CNBD1: variants seen among roughly 807,000 people sequenced by gnomAD.
CNBD1 encodes the protein cyclic nucleotide-binding domain-containing protein 1.
CNBD1 carries 71 observed loss-of-function variants against 54.4 expected under a neutral mutation model. That is an observed-to-expected ratio of 1.30 (90% CI 1.08 to 1.59). CNBD1 has a LOEUF of 1.59. CNBD1 is among the 40% of genes most tolerant of loss of function. The probability of loss-of-function intolerance (pLI) is 0.00; values close to 1 mark genes in which losing one functional copy is unlikely to be tolerated. For missense variants in CNBD1, 659 were observed against 518.0 expected, an observed-to-expected ratio of 1.27 and a Z score of -2.64; for synonymous variants, 182 against 170.7, an observed-to-expected ratio of 1.07 and a Z score of -0.51.
chr8:87,328,076 G>A (rs199982994), intron 8 of CNBD1, among the ~76,000 whole-genome samples: 37 of 151,898 alleles, frequency 2.4e-4, no homozygotes, highest in African/African-American at 8.4e-4. Flanking sequence ...CTATCAACCC[G>A]TCATCTAGGT....
chr8:86,917,269 G>C (rs1050228572), intron 3 of CNBD1, among the ~76,000 whole-genome samples: 24 of 152,162 alleles, frequency 1.6e-4, no homozygotes, highest in Non-Finnish European at 4.4e-5. Flanking sequence ...TGCCAGATCT[G>C]TGTCCACTGA....
At chr8:87,351,627 C>G in intron 8 of CNBD1, 58 bp from the exon 9 acceptor site, 1 of 1,390,318 alleles carries the variant, frequency 7.2e-7, no homozygotes, top group Non-Finnish European at 9.5e-7. Flanking sequence ...GCTAAAATAT[C>G]TAAAATAATT....
At chr8:87,418,439 C>T (rs1586090518) in intron 2 of CNBD1, among the ~76,000 whole-genome samples, 1 of 152,054 alleles carries the variant, frequency 6.6e-6, no homozygotes, top group South Asian at 2.1e-4. Flanking sequence ...ATGTTTATAA[C>T]CTTGCACTAG....
At chr8:87,245,368 A>C (rs1337747005) in intron 6 of CNBD1, among the ~76,000 whole-genome samples, 1 of 152,070 alleles carries the variant, frequency 6.6e-6, no homozygotes, top group Non-Finnish European at 1.5e-5. Flanking sequence ...ACGCTTTTTT[A>C]ATAACATCAT....
At chr8:87,298,114 T>C (rs1469963337) in intron 8 of CNBD1, among the ~76,000 whole-genome samples, 1 of 152,042 alleles carries the variant, frequency 6.6e-6, no homozygotes, top group Non-Finnish European at 1.5e-5. Context: ...AGAAAGTAAT[T>C]TTCAAATTTT....
At chr8:87,038,619 G>A (rs1809999457) in intron 4 of CNBD1, among the ~76,000 whole-genome samples, 1 of 152,202 alleles carries the variant, frequency 6.6e-6, no homozygotes, top group African/African-American at 2.4e-5. Flanking sequence ...CTCCAGAATA[G>A]TGGCTGGTAA....
intron 4 of CNBD1, among the ~76,000 whole-genome samples, chr8:87,196,076 A>C (rs1271142898): frequency 6.6e-6 from 1 of 152,174 alleles, no homozygotes; most frequent in Non-Finnish European, 1.5e-5. Flanking sequence ...CTGCCACAGG[A>C]CATAATCAAT....
At chr8:87,143,503 TGTGG>T (rs1469295670) in intron 4 of CNBD1, among the ~76,000 whole-genome samples, 1 of 152,220 alleles carries the variant, frequency 6.6e-6, no homozygotes, top group Non-Finnish European at 1.5e-5. Context: ...TACTTCCATA[TGTGG>T]TTATTTTAGA....
chr8:87,155,366 TAGC>T (rs1039566168), intron 4 of CNBD1, among the ~76,000 whole-genome samples: 1 of 152,146 alleles, frequency 6.6e-6, no homozygotes, highest in Non-Finnish European at 1.5e-5. Context: ...ACGGCTTAGA[TAGC>T]AGTGTAGAAG....
intron 4 of CNBD1, among the ~76,000 whole-genome samples, chr8:87,115,126 A>C (rs1051999764): frequency 6.6e-6 from 1 of 152,224 alleles, no homozygotes; most frequent in African/African-American, 2.4e-5. Flanking sequence ...AACAGCTAAT[A>C]TATTGAGCCA....
intron 5 of CNBD1, among the ~76,000 whole-genome samples, chr8:87,222,146 T>C (rs1422974375): frequency 6.6e-6 from 1 of 152,056 alleles, no homozygotes; most frequent in South Asian, 2.1e-4. Context: ...TAGGCTTCCA[T>C]CTAAGGGCCT....
chr8:87,225,076 T>G lies in CNBD1; in HGVS notation c.578-11843T>G, dbSNP rs1252778443. Among the ~76,000 whole-genome samples, 3 of 151,538 alleles carry G rather than the reference T, an allele frequency of 2.0e-5. No individual in the cohort carries two copies. In the East Asian group the frequency reaches 5.8e-4, roughly 29 times the overall value. On this transcript the variant is annotated intron_variant, in intron 5 of 10. Coordinates refer to ENST00000518476, the MANE Select transcript of CNBD1 (RefSeq NM_173538.3). Reference sequence around the variant, plus strand: ...TGTTGGTGTATAGGAATGCTTGTGATTTTTGCACATTGATTTTGTATCCTG... The same window carrying G: ...TGTTGGTGTATAGGAATGCTTGTGAGTTTTGCACATTGATTTTGTATCCTG...
At chr8:87,370,580 T>G (rs1471609038) in intron 10 of CNBD1, among the ~76,000 whole-genome samples, 4 of 152,236 alleles carry the variant, frequency 2.6e-5, no homozygotes, top group Admixed American at 6.6e-5. Context: ...GGTTGTTTGT[T>G]TTTTTCTTGT....
intron 8 of CNBD1, among the ~76,000 whole-genome samples, chr8:87,287,495 C>A (rs1057298408): frequency 6.6e-6 from 1 of 152,160 alleles, no homozygotes; most frequent in African/African-American, 2.4e-5. Context: ...AATACTTCTA[C>A]CCCAAGTCTG....
chr8:87,178,202 A>G (rs1356264621), intron 4 of CNBD1, among the ~76,000 whole-genome samples: 1 of 152,214 alleles, frequency 6.6e-6, no homozygotes, highest in Non-Finnish European at 1.5e-5. Context: ...GTAACTGACA[A>G]TACAAAGAGG....
chr8:87,195,897 T>C (rs1813712143), intron 4 of CNBD1, among the ~76,000 whole-genome samples: 1 of 152,208 alleles, frequency 6.6e-6, no homozygotes, highest in South Asian at 2.1e-4. Context: ...TATAGCATAC[T>C]TCTTCACTGA....
At chr8:86,994,012 C>A (rs764193804) in intron 4 of CNBD1, among the ~76,000 whole-genome samples, 3 of 152,142 alleles carry the variant, frequency 2.0e-5, no homozygotes, top group Admixed American at 6.5e-5. Context: ...TAGGCCACAC[C>A]TTTTCCAGCC....
At chr8:86,869,245 T>C (rs1808407207) in intron 1 of CNBD1, among the ~76,000 whole-genome samples, 1 of 152,176 alleles carries the variant, frequency 6.6e-6, no homozygotes, top group Non-Finnish European at 1.5e-5. Flanking sequence ...GTGTTCCAGT[T>C]TACACTTAAG....
chr8:87,408,821 G>A (rs1165199531), intron 2 of CNBD1, among the ~76,000 whole-genome samples: 1 of 152,018 alleles, frequency 6.6e-6, no homozygotes, highest in Non-Finnish European at 1.5e-5. Flanking sequence ...GATCTTTGAT[G>A]TTACTATTGT....
Sources: gnomAD v4.1 joint callset for allele counts (sites outside exome capture counted in the v4.1 genomes callset) on GRCh38, gnomAD v4.1.1 for gene constraint, MANE v1.5 for transcripts, NCBI Gene and HGNC (gene_info 2026-07-23, HGNC 2026-07-21) for gene names.